The following PTPRZ1 variants were observed in gnomAD, a reference collection of about 807,000 sequenced individuals.
The protein encoded by PTPRZ1 is receptor-type tyrosine-protein phosphatase zeta.
Under a neutral mutation model 214.1 loss-of-function variants are expected in PTPRZ1, and 82 were observed. That is an observed-to-expected ratio of 0.38 (90% CI 0.32 to 0.46). The LOEUF (loss-of-function observed/expected upper bound fraction) is 0.46. Among genes scored for constraint, PTPRZ1 ranks in the 20% least tolerant of loss-of-function variants. PTPRZ1 has a pLI of 1.00. For synonymous variants in PTPRZ1, 945 were observed against 987.9 expected (o/e 0.96, Z 0.81); for missense variants, 2,603 against 2,748.7 (o/e 0.95, Z 1.19).
At chr7:121,984,192 A>T in intron 8 of PTPRZ1, 75 bp downstream of exon 8, 8 of 1,315,530 alleles carry the variant, frequency 6.1e-6, no homozygotes, top group Non-Finnish European at 8.3e-6. Flanking sequence ...TAAACTGACA[A>T]ATATAGAGGA....
intron 8 of PTPRZ1, among the ~76,000 whole-genome samples, chr7:121,993,281 G>A (rs1224445555): frequency 6.6e-6 from 1 of 152,020 alleles, no homozygotes; most frequent in Non-Finnish European, 1.5e-5. Context: ...GCCGGGTGCG[G>A]TGACTCATGC....
At chr7:122,024,152 T>G (rs1799135512) in intron 13 of PTPRZ1, among the ~76,000 whole-genome samples, 1 of 152,056 alleles carries the variant, frequency 6.6e-6, no homozygotes, top group Non-Finnish European at 1.5e-5. Context: ...CTTGAAATCA[T>G]TTTCCAGATG....
At chr7:121,991,798 A>G (rs1350496285) in intron 8 of PTPRZ1, among the ~76,000 whole-genome samples, 1 of 152,176 alleles carries the variant, frequency 6.6e-6, no homozygotes, top group Non-Finnish European at 1.5e-5. Flanking sequence ...AATCATTCAG[A>G]AGTACAAAAC....
At position 121,873,516 on chromosome 7, in the gene PTPRZ1, G is replaced by A. The variant is rs11980387; in HGVS notation, c.17G>A (p.Arg6His). Residue 6 changes from arginine to histidine, a missense_variant, in exon 1 of 30, where the codon CGT becomes CAT. Physicochemically the swap from Arg to His is conservative, Grantham distance 29. This residue lies in a region of PTPRZ1 where 141 missense variants were observed against 143.7 expected (regional missense o/e 0.98). Transcript: ENST00000393386. The part of the protein sequence containing the change: MRILK[R>H]FLACIQLLCV... ...CGTCTGGAAATGCGAATCCTAAAGC[G>A]TTTCCTCGCTTGCATTCAGCTCCTC... 7 of 1,613,948 alleles carry A rather than the reference G, an allele frequency of 4.3e-6. No individual in the cohort carries two copies. The highest frequency in any genetic ancestry group is 3.3e-5 in the Admixed American group (2 of 60,026).
intron 1 of PTPRZ1, among the ~76,000 whole-genome samples, chr7:121,927,408 C>T (rs1385978852): frequency 6.6e-6 from 1 of 152,170 alleles, no homozygotes; most frequent in African/African-American, 2.4e-5. Context: ...AGGCATGGCT[C>T]CTGGCAAAAT....
intron 11 of PTPRZ1, among the ~76,000 whole-genome samples, chr7:122,007,870 T>A (rs967668972): frequency 6.6e-6 from 1 of 152,096 alleles, no homozygotes; most frequent in Non-Finnish European, 1.5e-5. Flanking sequence ...CAGATATGAA[T>A]AAAGTAATCA....
chr7:122,019,162 G>A lies in PTPRZ1; in HGVS notation c.4882G>A (p.Ala1628Thr). ...TAGCCATGAGTCTCGTATTGGTCTA[G>A]CTGAGGGGTTGGAATCCGAGAAGAA... ...NSSHESRIGL[A>T]EGLESEKKAV... Residue 1628 changes from alanine to threonine, a missense_variant, in exon 13 of 30, where the codon GCT becomes ACT. By Grantham distance (58) the Ala-to-Thr change is moderately conservative. Around this residue, in one of 6 missense-constraint regions of PTPRZ1, gnomAD observed 1,913 missense variants for 1,914.3 expected, o/e 1.00. Coordinates refer to ENST00000393386, the MANE Select transcript of PTPRZ1 (RefSeq NM_002851.3). The A allele has an allele frequency of 6.2e-7, 1 of 1,612,342 alleles. No homozygotes were observed. The highest frequency in any genetic ancestry group is 8.5e-7 in the Non-Finnish European group (1 of 1,178,484).
At chr7:121,964,561 G>A (rs1328495017) in intron 2 of PTPRZ1, among the ~76,000 whole-genome samples, 5 of 152,028 alleles carry the variant, frequency 3.3e-5, no homozygotes, top group African/African-American at 9.7e-5. Flanking sequence ...GATTTGGGTG[G>A]GGACACAGCC....
At chr7:121,930,672 T>G (rs1472598981) in intron 2 of PTPRZ1, among the ~76,000 whole-genome samples, 1 of 152,176 alleles carries the variant, frequency 6.6e-6, no homozygotes, top group Non-Finnish European at 1.5e-5. Context: ...TACAAATTTT[T>G]CTATTATGTT....
chr7:122,012,335 G>A lies in PTPRZ1; in HGVS notation c.3289G>A (p.Gly1097Ser), dbSNP rs944670777. Residue 1097 changes from glycine (G) to serine (S), a missense_variant, in exon 12 of 30, where the codon GGC (glycine) becomes AGC (serine). Transcript: ENST00000393386. ...ETSVSISSTK[G>S]MFPGSLAHTT... is the part of the protein sequence containing the mutation. Reference sequence around the variant, plus strand: ...CTCTGTTTCCATTTCTAGCACCAAGGGCATGTTTCCAGGGTCCCTTGCTCA... The same window carrying A: ...CTCTGTTTCCATTTCTAGCACCAAGAGCATGTTTCCAGGGTCCCTTGCTCA... 2 of 1,613,918 alleles carry A rather than the reference G, an allele frequency of 1.2e-6. No homozygotes were observed. Among genetic ancestry groups the A allele is most frequent in the East Asian group, 2.2e-5 (1 of 44,872 alleles).
chr7:122,040,797 A>G lies in PTPRZ1; in HGVS notation c.5638-19A>G, dbSNP rs888173471. 7.0e-7 allele frequency: 1 copy of G among 1,437,728 alleles called. No homozygotes were observed. Among genetic ancestry groups the G allele is most frequent in the Middle Eastern group, 2.7e-4 (1 of 3,726 alleles). The allele number at this position is 1,437,728 out of a possible 1,614,324, so 89.1% of individuals were successfully genotyped here. A position where few individuals can be genotyped will look rare whatever the true frequency, so the allele number is the denominator to read the frequency against. On this transcript the variant is annotated intron_variant, in intron 20 of 29. Transcript: ENST00000393386. ...GTGTGTGTGTGTTTGACTGTTATTA[A>G]CTGTCTGAACTTTTCCAGGGCTCCC...
intron 29 of PTPRZ1, among the ~76,000 whole-genome samples, chr7:122,060,777 G>A (rs959077437): frequency 4.6e-5 from 7 of 152,106 alleles, no homozygotes; most frequent in African/African-American, 7.2e-5. Context: ...AAACGGTTTC[G>A]CCCACAAGTT....
At chr7:121,874,747 T>G (rs951570046) in intron 1 of PTPRZ1, among the ~76,000 whole-genome samples, 1 of 152,134 alleles carries the variant, frequency 6.6e-6, no homozygotes, top group Non-Finnish European at 1.5e-5. Flanking sequence ...TGAAAGTGCT[T>G]GGGGTGGTGT....
At chr7:122,013,932 G>A (rs1192284062) in intron 12 of PTPRZ1, 43 bp downstream of exon 12, 16 of 1,452,842 alleles carry the variant, frequency 1.1e-5, no homozygotes, top group Non-Finnish European at 1.3e-5. Flanking sequence ...GTGGTGGTTT[G>A]CTTGCTCTAA....
intron 2 of PTPRZ1, among the ~76,000 whole-genome samples, chr7:121,938,061 A>G (rs1478244316): frequency 6.6e-6 from 1 of 152,172 alleles, no homozygotes; most frequent in African/African-American, 2.4e-5. Flanking sequence ...ATTAATATCT[A>G]TCTATTTATC....
rs760432564 is a variant in PTPRZ1 at position 122,010,386 on chromosome 7, G to T, written c.1340G>T (p.Arg447Ile). Residue 447 changes from arginine to isoleucine, a missense_variant, in exon 12 of 30, where the codon AGA (arginine) becomes ATA (isoleucine). Transcript: ENST00000393386. Reference sequence around the variant, plus strand: ...GAAGGCGCTATTGTGAATCCTGGTAGAGACAGTGCTACAAACCAAATCAGG... The same window carrying T: ...GAAGGCGCTATTGTGAATCCTGGTATAGACAGTGCTACAAACCAAATCAGG... The part of the protein sequence containing the change: ...IEEGAIVNPG[R>I]DSATNQIRKK... The T allele has an allele frequency of 7.4e-6, 12 of 1,613,940 alleles. No homozygotes were observed. Among genetic ancestry groups the T allele is most frequent in the Non-Finnish European group, 1.0e-5 (12 of 1,179,912 alleles).
In PTPRZ1 at chr7:122,040,849, G is replaced by A. The variant is rs1447749858; in HGVS notation, c.5671G>A (p.Val1891Ile). Reference protein sequence around the residue: ...SQKGRPSGRVVTQYHYTQWPD... With the variant: ...SQKGRPSGRVITQYHYTQWPD... ...GAAAGGAAGACCCAGTGGACGTGTGGTCACACAGTATCACTACACGCAGTG... is the reference window on the plus strand; with the variant it reads ...GAAAGGAAGACCCAGTGGACGTGTGATCACACAGTATCACTACACGCAGTG... Residue 1891 changes from valine (V) to isoleucine (I), a missense_variant, in exon 21 of 30, where the codon GTC becomes ATC. Val to Ile is a conservative substitution (Grantham distance 29). This residue lies in a region of PTPRZ1 where 1,913 missense variants were observed against 1,914.3 expected (regional missense o/e 1.00). Transcript: ENST00000393386. 6.3e-7 allele frequency: 1 copy of A among 1,588,566 alleles called. No homozygotes were observed. The highest frequency in any genetic ancestry group is 1.7e-5 in the Admixed American group (1 of 58,042).
chr7:122,055,899 C>T (rs1413175442), intron 27 of PTPRZ1, among the ~76,000 whole-genome samples: 1 of 151,846 alleles, frequency 6.6e-6, no homozygotes, highest in Non-Finnish European at 1.5e-5. Flanking sequence ...CAAGAAGATT[C>T]TCTATCCTCT....
chr7:121,998,692 TTAAG>T (rs1798221968), intron 10 of PTPRZ1, among the ~76,000 whole-genome samples: 1 of 152,192 alleles, frequency 6.6e-6, no homozygotes, highest in Non-Finnish European at 1.5e-5. Context: ...GTTTACATAA[TTAAG>T]TTAGTTTTCC....
Sources: gnomAD v4.1 joint callset for allele counts (sites outside exome capture counted in the v4.1 genomes callset) on GRCh38, gnomAD v4.1.1 for gene constraint, gnomAD v4.1.1 regional missense constraint, MANE v1.5 for transcripts, NCBI Gene and HGNC (gene_info 2026-07-23, HGNC 2026-07-21) for gene names.